The following RBFOX1 variants were observed in gnomAD, a reference collection of about 807,000 sequenced individuals.
RBFOX1 encodes RNA binding protein fox-1 homolog 1.
A neutral mutation model predicts 57.7 loss-of-function variants in RBFOX1; 8 were observed. That is an observed-to-expected ratio of 0.14 (90% CI 0.08 to 0.25). The LOEUF is 0.25. Among genes scored for constraint, RBFOX1 ranks in the 10% least tolerant of loss-of-function variants. The probability of loss-of-function intolerance (pLI) is 1.00; values close to 1 mark genes in which losing one functional copy is unlikely to be tolerated. For synonymous variants in RBFOX1, 326 were observed against 222.4 expected (o/e 1.47, Z -4.15); for missense variants, 611 against 548.5 (o/e 1.11, Z -1.14).
chr16:6,753,715 T>C (rs2075332810), intron 3 of RBFOX1, among the ~76,000 whole-genome samples: 1 of 137,218 alleles, frequency 7.3e-6, no homozygotes, highest in South Asian at 2.6e-4. Context: ...TCTTGTGTCT[T>C]GTGTCAGAGT....
intron 4 of RBFOX1, among the ~76,000 whole-genome samples, chr16:7,121,933 G>C (rs1370710859): frequency 7.8e-6 from 1 of 128,850 alleles, no homozygotes; most frequent in Non-Finnish European, 1.7e-5. Context: ...AAATGATTTT[G>C]TTTTCAACAA....
chr16:6,885,747 G>C (rs2063866897), intron 3 of RBFOX1, among the ~76,000 whole-genome samples: 1 of 152,078 alleles, frequency 6.6e-6, no homozygotes, highest in Non-Finnish European at 1.5e-5. Context: ...GGACAGGCTG[G>C]TCTCGAACTC....
At chr16:7,542,682 C>G (rs1398651233) in intron 5 of RBFOX1, among the ~76,000 whole-genome samples, 3 of 138,024 alleles carry the variant, frequency 2.2e-5, no homozygotes, top group African/African-American at 8.3e-5. Context: ...TGGTGAAACC[C>G]TGTCTCTACT....
Position 5,704,491 on chromosome 16 carries a change from G to A in RBFOX1, c.318+105530G>A, listed in dbSNP as rs115154309. 8.8e-3 allele frequency among the ~76,000 whole-genome samples: 1,343 copies of A among 152,192 alleles called. 14 individuals are homozygous for A. The highest frequency in any genetic ancestry group is 0.031 in the African/African-American group (1,295 of 41,518). ...TTGAGCAGTGCTGGGAGCCAACCAGGCCCAGCTACTTTGCATACTAATAAA... is the reference window on the plus strand; with the variant it reads ...TTGAGCAGTGCTGGGAGCCAACCAGACCCAGCTACTTTGCATACTAATAAA... On this transcript the variant is annotated intron_variant, in intron 3 of 19. Transcript: ENST00000641259.
intron 4 of RBFOX1, among the ~76,000 whole-genome samples, chr16:7,179,211 G>A (rs1015378739): frequency 1.4e-5 from 2 of 145,566 alleles, no homozygotes; most frequent in African/African-American, 5.1e-5. Flanking sequence ...ATGGAAGGAT[G>A]CTTAACCGGG....
At chr16:6,497,034 T>A (rs1470553933) in intron 2 of RBFOX1, among the ~76,000 whole-genome samples, 1 of 152,214 alleles carries the variant, frequency 6.6e-6, no homozygotes, top group African/African-American at 2.4e-5. Flanking sequence ...TGTGTCTTGG[T>A]TGGCTTATAT....
chr16:5,615,938 C>T (rs188492090), intron 3 of RBFOX1, among the ~76,000 whole-genome samples: 18 of 152,282 alleles, frequency 1.2e-4, no homozygotes, highest in Non-Finnish European at 1.5e-4. Context: ...TTAATGGGAA[C>T]GCTTCTTTCC....
chr16:7,502,276 AAGAAAAAGAGGGAAC>A (rs1421164200), intron 4 of RBFOX1, among the ~76,000 whole-genome samples: 228 of 152,338 alleles, frequency 1.5e-3, no homozygotes, highest in African/African-American at 5.3e-3. Flanking sequence ...CTATGTGCGG[AAGAAAAAGAGGGAAC>A]CATTAAAGAT....
intron 2 of RBFOX1, among the ~76,000 whole-genome samples, chr16:6,338,229 AAC>A (rs1484614311): frequency 5.3e-5 from 8 of 152,142 alleles, no homozygotes; most frequent in Non-Finnish European, 1.2e-4. Flanking sequence ...TTCCCACTGC[AAC>A]ACACACACCT....
chr16:6,833,047 A>G (rs566235807), intron 3 of RBFOX1, among the ~76,000 whole-genome samples: 51 of 151,936 alleles, frequency 3.4e-4, no homozygotes, highest in African/African-American at 1.1e-3. Flanking sequence ...CTCTTATTCA[A>G]ATATTTCAGG....
intron 3 of RBFOX1, among the ~76,000 whole-genome samples, chr16:7,030,730 C>T (rs776626086): frequency 3.9e-5 from 6 of 152,154 alleles, no homozygotes; most frequent in Non-Finnish European, 8.8e-5. Context: ...TCTGGGTGGA[C>T]CTGAATTTGA....
intron 2 of RBFOX1, among the ~76,000 whole-genome samples, chr16:6,558,239 G>T (rs111862823): frequency 6.6e-6 from 1 of 152,020 alleles, no homozygotes; most frequent in Non-Finnish European, 1.5e-5. Flanking sequence ...TATGTGGCTC[G>T]TCCCCACCTC....
At chr16:7,032,134 T>C (rs1173860856) in intron 3 of RBFOX1, among the ~76,000 whole-genome samples, 1 of 152,010 alleles carries the variant, frequency 6.6e-6, no homozygotes, top group African/African-American at 2.4e-5. Context: ...TTTTTAAAAA[T>C]CTTATCTTGG....
chr16:7,700,737 G>C (rs1227825525), intron 14 of RBFOX1, among the ~76,000 whole-genome samples: 2 of 152,244 alleles, frequency 1.3e-5, no homozygotes, highest in South Asian at 4.1e-4. Flanking sequence ...CCAAAAGTGG[G>C]ACTTACTTAC....
intron 4 of RBFOX1, among the ~76,000 whole-genome samples, chr16:5,976,766 G>T (rs2060071704): frequency 6.6e-6 from 1 of 152,092 alleles, no homozygotes; most frequent in Non-Finnish European, 1.5e-5. Context: ...CTACTTGGGG[G>T]GCTTAGCCAG....
intron 1 of RBFOX1, among the ~76,000 whole-genome samples, chr16:6,240,433 T>C (rs2097534251): frequency 6.6e-6 from 1 of 152,080 alleles, no homozygotes; most frequent in Non-Finnish European, 1.5e-5. Context: ...TCCAGATTAG[T>C]TGATGCATGG....
intron 4 of RBFOX1, among the ~76,000 whole-genome samples, chr16:7,112,441 A>C (rs1249339885): frequency 6.7e-6 from 1 of 149,760 alleles, no homozygotes; most frequent in South Asian, 2.1e-4. Context: ...TCCTGGCCTC[A>C]AGTTGTCCGC....
intron 2 of RBFOX1, among the ~76,000 whole-genome samples, chr16:5,516,206 A>G (rs1450511419): frequency 1.3e-5 from 2 of 152,210 alleles, no homozygotes; most frequent in East Asian, 3.8e-4. Context: ...AATAGGCTGT[A>G]AAATCAGATC....
intron 4 of RBFOX1, among the ~76,000 whole-genome samples, chr16:7,493,370 C>T (rs1262630813): frequency 6.6e-6 from 1 of 152,196 alleles, no homozygotes; most frequent in Non-Finnish European, 1.5e-5. Context: ...CCCCTAGAAT[C>T]ATTGCAATAG....
Sources: allele counts gnomAD v4.1 joint callset (sites outside exome capture counted in the v4.1 genomes callset), GRCh38; gene constraint gnomAD v4.1.1; transcripts MANE v1.5; gene names NCBI Gene and HGNC (gene_info 2026-07-23, HGNC 2026-07-21).